The following RPL18A variants were observed in gnomAD, a reference collection of about 807,000 sequenced individuals.
The protein encoded by RPL18A is large ribosomal subunit protein eL20.
For missense variants in RPL18A, 163 were observed against 254.1 expected, an observed-to-expected ratio of 0.64 and a Z score of 2.44; for synonymous variants, 122 against 96.9, an observed-to-expected ratio of 1.26 and a Z score of -1.52.
At chr19:17,862,602 C>T in intron 3 of RPL18A, 1 of 707,568 alleles carries the variant, frequency 1.4e-6, no homozygotes, top group Non-Finnish European at 2.6e-6. Context: ...CACCTAAACC[C>T]AAGAATCACT....
At position 17,862,192 on chromosome 19, in the gene RPL18A, C is replaced by T. The variant is rs1438444604; in HGVS notation, c.297C>T (p.Asp99=). Residue 99 remains aspartate, a synonymous_variant, in exon 3 of 5, where the codon GAC becomes GAT. Coordinates refer to ENST00000222247, the MANE Select transcript of RPL18A (RefSeq NM_000980.4). ...ACAACATGTACCGGGAATACCGGGACCTGACCACCGCAGGCGCTGTCACCC... is the reference window on the plus strand; with the variant it reads ...ACAACATGTACCGGGAATACCGGGATCTGACCACCGCAGGCGCTGTCACCC... The part of the protein sequence containing the change: ...GTHNMYREYR[D]LTTAGAVTQC... 1.2e-5 allele frequency: 20 copies of T among 1,613,456 alleles called. No individual in the cohort carries two copies. The highest frequency in any genetic ancestry group is 1.6e-5 in the Non-Finnish European group (19 of 1,180,004).
intron 2 of RPL18A, chr19:17,861,700 G>T (rs1487077696): frequency 1.2e-5 from 7 of 573,960 alleles, no homozygotes; most frequent in Non-Finnish European, 2.2e-5. Context: ...CAGGGAGCGG[G>T]TGGGTGGCAT....
In RPL18A at chr19:17,859,982, G is replaced by T. The variant is rs763160675; in HGVS notation, c.18+8G>T. On this transcript the variant is annotated splice_region_variant and intron_variant, in intron 1 of 4. Coordinates refer to ENST00000222247, the MANE Select transcript of RPL18A (RefSeq NM_000980.4). The stretch of plus-strand genomic sequence containing the variant: ...ATGAAGGCCTCGGGCACGGTAAGGC[G>T]GGCGCGGCGCGGCAGGGGGCCAAGG... 3 of 1,521,812 alleles carry T rather than the reference G, an allele frequency of 2.0e-6. No homozygotes were observed. Among genetic ancestry groups the T allele is most frequent in the East Asian group, 2.7e-5 (1 of 37,224 alleles). The allele number at this position is 1,521,812 out of a possible 1,614,324, so 94.3% of individuals were successfully genotyped here. A position where few individuals can be genotyped will look rare whatever the true frequency, so the allele number is the denominator to read the frequency against.
At position 17,861,258 on chromosome 19, in the gene RPL18A, G is replaced by T. The variant is rs139101356; in HGVS notation, c.19-35G>T. On this transcript the variant is annotated intron_variant, in intron 1 of 4. Transcript: ENST00000222247. ...GGTGGATCTCCACAGTTGCCTCTGG[G>T]TGCTGGCCTTACCCTCACTCCTGTT... is the stretch of plus-strand genomic sequence containing the variant. 1.4e-5 allele frequency: 23 copies of T among 1,603,594 alleles called. No individual in the cohort carries two copies. The Admixed American group carries it at 2.3e-4, about 16-fold the overall frequency.
chr19:17,862,401 C>T (rs997889242), intron 3 of RPL18A, 178 bp downstream of exon 3: 8 of 753,754 alleles, frequency 1.1e-5, no homozygotes, highest in South Asian at 8.4e-5. Flanking sequence ...CTGCCAGGCT[C>T]GGTTGTAAAT....
Position 17,862,986 on chromosome 19 carries a change from G to T in RPL18A, c.397G>T (p.Ala133Ser). 6.2e-7 allele frequency: 1 copy of T among 1,612,406 alleles called. No individual in the cohort carries two copies. The highest frequency in any genetic ancestry group is 1.7e-5 in the Admixed American group (1 of 60,002). ...TCAGATCATGAAGGTGGAGGAGATC[G>T]CGGCCAGCAAGTGCCGCCGGCCGGC... ...SIQIMKVEEIAASKCRRPAVK... is the reference protein window; with the variant it reads ...SIQIMKVEEISASKCRRPAVK... Residue 133 changes from alanine to serine, a missense_variant, in exon 4 of 5, where the codon GCG (alanine) becomes TCG (serine). Coordinates refer to ENST00000222247, the MANE Select transcript of RPL18A (RefSeq NM_000980.4).
chr19:17,861,207 G>A, intron 1 of RPL18A, 86 bp from the exon 2 acceptor site: 1 of 1,292,634 alleles, frequency 7.7e-7, no homozygotes. Context: ...CGAATCTGTG[G>A]TCACTAGATG....
rs1599897568 is a variant in RPL18A at position 17,863,224 on chromosome 19, G to A, written c.492G>A (p.Lys164=). The A allele has an allele frequency of 6.2e-7, 1 of 1,611,058 alleles. No individual in the cohort carries two copies. Among genetic ancestry groups the A allele is most frequent in the Non-Finnish European group, 8.5e-7 (1 of 1,178,974 alleles). Reference sequence around the variant, plus strand: ...ACCGGGTCCTGCGCCGTCAGCACAAGCCACGCTTCACCACCAAGAGGCCCA... The same window carrying A: ...ACCGGGTCCTGCGCCGTCAGCACAAACCACGCTTCACCACCAAGAGGCCCA... ...LPHRVLRRQH[K]PRFTTKRPNT... is the part of the protein sequence containing the mutation. Residue 164 remains lysine, a synonymous_variant, in exon 5 of 5, where the codon AAG becomes AAA. Coordinates refer to ENST00000222247, the MANE Select transcript of RPL18A (RefSeq NM_000980.4).
In RPL18A at chr19:17,860,009, A is replaced by C. The variant is rs1344876692; in HGVS notation, c.18+35A>C. 7 of 1,502,916 alleles carry C rather than the reference A, an allele frequency of 4.7e-6. No individual in the cohort carries two copies. The East Asian group carries it at 1.9e-4, about 42-fold the overall frequency. The allele number at this position is 1,502,916 out of a possible 1,614,324, so 93.1% of individuals were successfully genotyped here. On this transcript the variant is annotated intron_variant, in intron 1 of 4. Transcript: ENST00000222247. ...GCGCGGCGCGGCAGGGGGCCAAGGGATGGGGCACGGGCCCCATCAGGGGCC... is the reference window on the plus strand; with the variant it reads ...GCGCGGCGCGGCAGGGGGCCAAGGGCTGGGGCACGGGCCCCATCAGGGGCC...
At chr19:17,860,856 TTC>T (rs2094276005) in intron 1 of RPL18A, 1 of 185,438 alleles carries the variant, frequency 5.4e-6, no homozygotes, top group South Asian at 8.7e-5. Context: ...CTTGTCCTAG[TTC>T]TGCCTGGAAT....
intron 1 of RPL18A, chr19:17,860,192 G>C (rs58265522): frequency 7.7e-6 from 4 of 517,904 alleles, no homozygotes; most frequent in African/African-American, 2.0e-5. Context: ...GATCGCGGGG[G>C]CCCAAGGACT....
chr19:17,860,331 T>A (rs1319417952), intron 1 of RPL18A: 1 of 326,012 alleles, frequency 3.1e-6, no homozygotes, highest in Non-Finnish European at 5.6e-6. Flanking sequence ...CAATAGTGTG[T>A]TTTCTTTCTG....
chr19:17,860,031 G>A, intron 1 of RPL18A, 57 bp downstream of exon 1: 1 of 1,444,240 alleles, frequency 6.9e-7, no homozygotes, highest in Non-Finnish European at 9.1e-7. Flanking sequence ...CCCCATCAGG[G>A]GCCTGCATAA....
At chr19:17,860,523 C>G (rs534686723) in intron 1 of RPL18A, among the ~76,000 whole-genome samples, 1 of 152,342 alleles carries the variant, frequency 6.6e-6, no homozygotes, top group African/African-American at 2.4e-5. Flanking sequence ...GGTTTCCTTG[C>G]TGTCAAAGGG....
In RPL18A at chr19:17,859,940, A is replaced by G. The variant is rs775493292; in HGVS notation, c.-17A>G. The G allele has an allele frequency of 1.9e-6, 3 of 1,543,302 alleles. No homozygotes were observed. The South Asian group carries it at 3.6e-5, about 19-fold the overall frequency. On this transcript the variant is annotated 5_prime_UTR_variant, in exon 1 of 5. Coordinates refer to ENST00000222247, the MANE Select transcript of RPL18A (RefSeq NM_000980.4). Reference sequence around the variant, plus strand: ...ACACTTCCTTTTGCGGGTGGCGGCGAACGCGGAGAGCACGCCATGAAGGCC... The same window carrying G: ...ACACTTCCTTTTGCGGGTGGCGGCGGACGCGGAGAGCACGCCATGAAGGCC...
intron 2 of RPL18A, 31 bp from the exon 3 acceptor site, chr19:17,862,063 C>G: frequency 5.6e-6 from 9 of 1,608,656 alleles, no homozygotes; most frequent in East Asian, 2.2e-5. Flanking sequence ...GCTTGCTGCT[C>G]TCACATCTCC....
chr19:17,862,620 A>G (rs1469515863), intron 3 of RPL18A: 1 of 715,148 alleles, frequency 1.4e-6, no homozygotes, highest in East Asian at 2.8e-5. Flanking sequence ...ACTGTTTCTT[A>G]TAGCGGTGGT....
rs749026759 is a variant in RPL18A, at chr19:17,863,214, G to A, written c.482G>A (p.Arg161His). ...KFPLPHRVLR[R>H]QHKPRFTTKR... ...CCGCTGCCCCACCGGGTCCTGCGCC[G>A]TCAGCACAAGCCACGCTTCACCACC... The change falls in exon 5 of 5, where the codon CGT becomes CAT. Residue 161 changes from arginine (R) to histidine (H), a missense_variant. By Grantham distance (29) the Arg-to-His change is conservative (BLOSUM62 0). Coordinates refer to ENST00000222247, the MANE Select transcript of RPL18A (RefSeq NM_000980.4). 22 of 1,611,372 alleles carry A rather than the reference G, an allele frequency of 1.4e-5. No individual in the cohort carries two copies. Among genetic ancestry groups the A allele is most frequent in the African/African-American group, 2.7e-5 (2 of 74,842 alleles).
At chr19:17,862,020 AG>A (rs1179094084) in intron 2 of RPL18A, 73 bp from the exon 3 acceptor site, 1 of 1,547,110 alleles carries the variant, frequency 6.5e-7, no homozygotes, top group Non-Finnish European at 8.8e-7. Context: ...TTAGAGGCAG[AG>A]GGTTCAGTGA....
Sources: gnomAD v4.1 joint callset for allele counts (sites outside exome capture counted in the v4.1 genomes callset) on GRCh38, gnomAD v4.1.1 for gene constraint, MANE v1.5 for transcripts, NCBI Gene and HGNC (gene_info 2026-07-23, HGNC 2026-07-21) for gene names.